The following SYNPO2 variants were observed in gnomAD, a reference collection of about 807,000 sequenced individuals.
SYNPO2 encodes the protein synaptopodin 2, also known as synaptopodin-2.
Under a neutral mutation model 85.0 loss-of-function variants are expected in SYNPO2, and 56 were observed. The ratio of observed to expected loss-of-function variants is 0.66; its 90% CI spans 0.53 to 0.82. SYNPO2 has a LOEUF of 0.82. Among genes scored for constraint, SYNPO2 ranks in the 40% least tolerant of loss-of-function variants. The probability of loss-of-function intolerance (pLI) is 0.00; values close to 1 mark genes in which losing one functional copy is unlikely to be tolerated. For missense variants in SYNPO2, 1,575 were observed against 1,534.2 expected, an observed-to-expected ratio of 1.03 and a Z score of -0.44; for synonymous variants, 602 against 591.1, an observed-to-expected ratio of 1.02 and a Z score of -0.27.
chr4:118,887,935 C>T (rs1732236602), upstream of SYNPO2, among the ~76,000 whole-genome samples: 1 of 152,118 alleles, frequency 6.6e-6, no homozygotes, highest in Non-Finnish European at 1.5e-5. Context: ...TTATGGAAAA[C>T]AAAAGTATTA....
At position 119,031,060 on chromosome 4, in the gene SYNPO2, A is replaced by C; in HGVS notation, c.2285A>C (p.Lys762Thr). The change falls in exon 4 of 5, where the codon AAA becomes ACA. Residue 762 changes from lysine to threonine, a missense_variant. This residue lies in a region of SYNPO2 where 1,508 missense variants were observed against 1,446.8 expected (regional missense o/e 1.04). Transcript: ENST00000307142. The part of the protein sequence containing the change: ...KQKTPPPVAP[K>T]PAVKSSSSQP... The stretch of plus-strand genomic sequence containing the variant: ...AAGACCCCTCCTCCTGTTGCTCCAA[A>C]ACCTGCAGTCAAGTCCTCATCCTCC... The C allele has an allele frequency of 6.2e-7, 1 of 1,614,038 alleles. No individual in the cohort carries two copies. The highest frequency in any genetic ancestry group is 8.5e-7 in the Non-Finnish European group (1 of 1,179,992).
At chr4:118,880,483 C>T (rs747389956) in intron 1 of SYNPO2, among the ~76,000 whole-genome samples, 1 of 152,198 alleles carries the variant, frequency 6.6e-6, no homozygotes, top group African/African-American at 2.4e-5. Context: ...GGCACAGTGG[C>T]TCATGCCTGT....
In SYNPO2 at chr4:119,031,773, C is replaced by T; in HGVS notation, c.2998C>T (p.Leu1000=). 6.2e-7 allele frequency: 1 copy of T among 1,614,214 alleles called. No homozygotes were observed. The highest frequency in any genetic ancestry group is 8.5e-7 in the Non-Finnish European group (1 of 1,180,040). ...GTCATCAGTCAAGGTCAATTCAGCC[C>T]TGGCCATGAAGCAAGCTCTTCCTCC... ...QKSSVKVNSA[L]AMKQALPPRP... is the part of the protein sequence containing the mutation. Residue 1000 remains leucine (L), a synonymous_variant, in exon 4 of 5, where the codon CTG becomes TTG. Transcript: ENST00000307142.
At chr4:118,945,833 C>A (rs1268721879) in intron 1 of SYNPO2, among the ~76,000 whole-genome samples, 2 of 151,974 alleles carry the variant, frequency 1.3e-5, no homozygotes, top group Admixed American at 6.6e-5. Flanking sequence ...GCAACCTCTG[C>A]CTCCCGGATT....
At chr4:119,014,507 T>TA (rs929079000) in intron 1 of SYNPO2, among the ~76,000 whole-genome samples, 1 of 152,172 alleles carries the variant, frequency 6.6e-6, no homozygotes, top group African/African-American at 2.4e-5. Flanking sequence ...CGGTTTTTCA[T>TA]AAAAAAGTAC....
intron 3 of SYNPO2, 144 bp downstream of exon 3, chr4:119,027,582 A>C: frequency 1.2e-6 from 1 of 836,400 alleles, no homozygotes. Context: ...AAAATCACAA[A>C]TGTGAAATTG....
chr4:118,874,656 G>A (rs1347620231), intron 1 of SYNPO2, among the ~76,000 whole-genome samples: 2 of 151,958 alleles, frequency 1.3e-5, no homozygotes, highest in Non-Finnish European at 2.9e-5. Flanking sequence ...AGGCTTTGTG[G>A]GGTCTAAACT....
chr4:118,900,731 ATGTC>A (rs1553936251), intron 1 of SYNPO2, among the ~76,000 whole-genome samples: 7 of 87,652 alleles, frequency 8.0e-5, no homozygotes, highest in South Asian at 4.3e-4. Flanking sequence ...ATATATATAT[ATGTC>A]TGTCTGTCTA....
chr4:118,932,464 A>C (rs897636475), intron 1 of SYNPO2, among the ~76,000 whole-genome samples: 15 of 152,196 alleles, frequency 9.9e-5, no homozygotes, highest in Non-Finnish European at 1.6e-4. Flanking sequence ...AAGCATCTTG[A>C]AATAATTTAT....
chr4:118,889,131 A>G lies in SYNPO2; in HGVS notation c.95A>G (p.Gln32Arg). ...QGGKEQKQPL[Q>R]VAKIRNQSKA... Reference sequence around the variant, plus strand: ...GGCAAGGAGCAGAAGCAGCCCTTACAAGTTGCAAAGGTAGGACCTGAACGA... The same window carrying G: ...GGCAAGGAGCAGAAGCAGCCCTTACGAGTTGCAAAGGTAGGACCTGAACGA... Residue 32 changes from glutamine (Q) to arginine (R), a missense_variant, in exon 1 of 5, where the codon CAA becomes CGA. Physicochemically the swap from Gln to Arg is conservative, Grantham distance 43. Around this residue, in one of 3 missense-constraint regions of SYNPO2, gnomAD observed 55 missense variants for 55.5 expected, o/e 0.99. Coordinates refer to ENST00000307142, the MANE Select transcript of SYNPO2 (RefSeq NM_133477.3). The G allele has an allele frequency of 2.5e-6, 4 of 1,614,066 alleles. No homozygotes were observed. The highest frequency in any genetic ancestry group is 3.4e-6 in the Non-Finnish European group (4 of 1,179,996).
intron 4 of SYNPO2, chr4:119,033,974 G>A: frequency 2.0e-6 from 2 of 985,348 alleles, no homozygotes; most frequent in Non-Finnish European, 2.4e-6. Flanking sequence ...ATCTTTCATT[G>A]CTTTTGGTGG....
intron 1 of SYNPO2, among the ~76,000 whole-genome samples, chr4:118,999,983 C>A (rs541624111): frequency 6.6e-6 from 1 of 152,132 alleles, no homozygotes; most frequent in African/African-American, 2.4e-5. Flanking sequence ...GGGAAAGGCC[C>A]TTTAAACAGA....
intron 1 of SYNPO2, among the ~76,000 whole-genome samples, chr4:118,985,067 C>T (rs1027223922): frequency 2.6e-5 from 4 of 152,156 alleles, no homozygotes; most frequent in Non-Finnish European, 5.9e-5. Context: ...TCCCAGGCTC[C>T]AAGAAACCTA....
chr4:119,005,295 C>T (rs1196453073), intron 1 of SYNPO2, among the ~76,000 whole-genome samples: 1 of 152,134 alleles, frequency 6.6e-6, no homozygotes, highest in Non-Finnish European at 1.5e-5. Flanking sequence ...GACATGAAGT[C>T]CTTTCCCATG....
At chr4:118,930,324 G>A (rs193043368) in intron 1 of SYNPO2, among the ~76,000 whole-genome samples, 152 of 152,238 alleles carry the variant, frequency 1.0e-3, no homozygotes, top group Admixed American at 2.5e-3. Context: ...TTTGTCAGTT[G>A]TTCTAGTTAT....
intron 1 of SYNPO2, among the ~76,000 whole-genome samples, chr4:119,016,349 A>G (rs1176592149): frequency 6.6e-6 from 1 of 151,612 alleles, no homozygotes; most frequent in Non-Finnish European, 1.5e-5. Flanking sequence ...CCTGGGAGGC[A>G]GAGGTTACAG....
At chr4:118,977,048 C>A (rs911284114) in intron 1 of SYNPO2, among the ~76,000 whole-genome samples, 2 of 152,232 alleles carry the variant, frequency 1.3e-5, no homozygotes, top group Non-Finnish European at 2.9e-5. Context: ...GCCGTGCGCT[C>A]GCATTCCTCA....
At chr4:118,957,670 T>C (rs570749412) in intron 1 of SYNPO2, among the ~76,000 whole-genome samples, 47 of 152,272 alleles carry the variant, frequency 3.1e-4, no homozygotes, top group African/African-American at 1.0e-3. Flanking sequence ...TGTCACAAGG[T>C]CTCCATCCTG....
intron 1 of SYNPO2, among the ~76,000 whole-genome samples, chr4:119,005,788 CA>C (rs1314842119): frequency 1.3e-5 from 2 of 152,082 alleles, no homozygotes; most frequent in South Asian, 2.1e-4. Flanking sequence ...TTTAAAATGG[CA>C]AATAAATATC....
Sources: allele counts gnomAD v4.1 joint callset (sites outside exome capture counted in the v4.1 genomes callset), GRCh38; gene constraint gnomAD v4.1.1; regional missense constraint gnomAD v4.1.1; transcripts MANE v1.5; gene names NCBI Gene and HGNC (gene_info 2026-07-23, HGNC 2026-07-21).